ADARB1: variants seen among roughly 807,000 people sequenced by gnomAD.
ADARB1 encodes adenosine deaminase RNA specific B1.
A neutral mutation model predicts 52.4 loss-of-function variants in ADARB1; 10 were observed. The ratio of observed to expected loss-of-function variants is 0.19; its 90% CI spans 0.12 to 0.32. ADARB1 has a LOEUF of 0.32. Among genes scored for constraint, ADARB1 ranks in the 10% least tolerant of loss-of-function variants. The probability of loss-of-function intolerance (pLI) is 1.00; values close to 1 mark genes in which losing one functional copy is unlikely to be tolerated. For missense variants in ADARB1, 643 were observed against 922.3 expected (o/e 0.70, Z 3.92); for synonymous variants, 349 against 371.1 (o/e 0.94, Z 0.68).
intron 4 of ADARB1, among the ~76,000 whole-genome samples, chr21:45,178,360 C>T (rs1055664505): frequency 3.3e-5 from 5 of 152,244 alleles, no homozygotes; most frequent in Non-Finnish European, 5.9e-5. Context: ...CCCCTGACGC[C>T]ACGTTCCTCT....
rs568304763 is a variant in ADARB1 at position 45,107,047 on chromosome 21, A to G, written c.-219-21355A>G. On this transcript the variant is annotated intron_variant, in intron 1 of 10. Transcript: ENST00000348831. ...GAGCAGTCCTGTCCAGTAGAAATAC[A>G]AAATTAATATGCAAACGTCAATGTT... is the stretch of plus-strand genomic sequence containing the variant. 1.6e-3 allele frequency among the ~76,000 whole-genome samples: 250 copies of G among 152,376 alleles called. 2 individuals carry two copies. The highest frequency in any genetic ancestry group is 5.5e-3 in the African/African-American group (228 of 41,590).
At chr21:45,178,271 C>T (rs955715326) in intron 4 of ADARB1, among the ~76,000 whole-genome samples, 1 of 152,234 alleles carries the variant, frequency 6.6e-6, no homozygotes, top group Non-Finnish European at 1.5e-5. Context: ...TGACCAGAGC[C>T]CCTGGCTTGG....
chr21:45,210,052 T>G (rs1309732025), intron 9 of ADARB1, among the ~76,000 whole-genome samples: 1 of 152,212 alleles, frequency 6.6e-6, no homozygotes, highest in African/African-American at 2.4e-5. Context: ...CCCACTTCCC[T>G]GCACCACGGC....
At chr21:45,104,860 T>C (rs1029398506) in intron 1 of ADARB1, among the ~76,000 whole-genome samples, 1 of 152,218 alleles carries the variant, frequency 6.6e-6, no homozygotes, top group Non-Finnish European at 1.5e-5. Flanking sequence ...ACAAGGGGTC[T>C]AGATGTTTAT....
chr21:45,214,028 G>C (rs1046921194), intron 9 of ADARB1, among the ~76,000 whole-genome samples: 2 of 152,178 alleles, frequency 1.3e-5, no homozygotes, highest in African/African-American at 4.8e-5. Context: ...GGGAGTTGTA[G>C]TTCTGTCACT....
intron 1 of ADARB1, among the ~76,000 whole-genome samples, chr21:45,122,376 G>C (rs1277792407): frequency 6.6e-6 from 1 of 152,246 alleles, no homozygotes; most frequent in East Asian, 1.9e-4. Context: ...TGTACTTGCT[G>C]TTGGTACAAG....
intron 1 of ADARB1, among the ~76,000 whole-genome samples, chr21:45,125,035 G>A (rs941155491): frequency 7.3e-5 from 11 of 151,500 alleles, no homozygotes; most frequent in African/African-American, 2.7e-4. Context: ...GGGCTCAAGT[G>A]ATCCACCTGC....
rs1416129451 is a variant in ADARB1 at position 45,176,391 on chromosome 21, C to T, written c.690C>T (p.Pro230=). The T allele has an allele frequency of 6.2e-7, 1 of 1,614,096 alleles. No individual in the cohort carries two copies. Residue 230 remains proline (P), a synonymous_variant, in exon 4 of 11, where the codon CCC becomes CCT. Coordinates refer to ENST00000348831, the MANE Select transcript of ADARB1 (RefSeq NM_001112.4). This position sits in a 1 kb window ranked among gnomAD's most constrained non-coding sequence, Gnocchi z 5.8. ...TCCCTGTCTTACCACCATTCCCACCCCCGAGTGGGAAGAATCCCGTGATGA... is the reference window on the plus strand; with the variant it reads ...TCCCTGTCTTACCACCATTCCCACCTCCGAGTGGGAAGAATCCCGTGATGA... ...PPLPVLPPFP[P]PSGKNPVMIL...
At chr21:45,174,989 A>G (rs1282315624) in intron 3 of ADARB1, among the ~76,000 whole-genome samples, 1 of 152,188 alleles carries the variant, frequency 6.6e-6, no homozygotes, top group Non-Finnish European at 1.5e-5. Flanking sequence ...CTATCATGGA[A>G]CGATATTAAG....
chr21:45,136,030 G>A (rs890630995), intron 2 of ADARB1, among the ~76,000 whole-genome samples: 1 of 152,180 alleles, frequency 6.6e-6, no homozygotes, highest in Non-Finnish European at 1.5e-5. Flanking sequence ...AGTCATATGC[G>A]CCTGTGTTCA....
At chr21:45,160,978 A>G (rs2090932189) in intron 2 of ADARB1, among the ~76,000 whole-genome samples, 1 of 152,254 alleles carries the variant, frequency 6.6e-6, no homozygotes, top group South Asian at 2.1e-4. Context: ...CAGGGTTTTA[A>G]AGATCTGCTT....
chr21:45,203,874 C>G (rs2092613175), intron 8 of ADARB1, among the ~76,000 whole-genome samples: 1 of 152,246 alleles, frequency 6.6e-6, no homozygotes, highest in Non-Finnish European at 1.5e-5. Context: ...GTAGATAGTA[C>G]TGAACCCTGT....
intron 1 of ADARB1, among the ~76,000 whole-genome samples, chr21:45,124,283 T>G (rs141965746): frequency 0.01 from 1,567 of 152,370 alleles, 10 homozygotes; most frequent in South Asian, 0.021. Context: ...AGAAGCCATC[T>G]AGTCATGGAG....
intron 1 of ADARB1, among the ~76,000 whole-genome samples, chr21:45,076,287 C>T (rs1384700514): frequency 6.6e-6 from 1 of 152,180 alleles, no homozygotes; most frequent in Non-Finnish European, 1.5e-5. Context: ...AGGACAGGGT[C>T]CAGTATGCAT....
chr21:45,141,783 G>A (rs921955768), intron 2 of ADARB1, among the ~76,000 whole-genome samples: 1 of 148,714 alleles, frequency 6.7e-6, no homozygotes, highest in Non-Finnish European at 1.5e-5. Context: ...TCCCTGGGTC[G>A]CCTTAGCCAC....
At chr21:45,187,101 T>C (rs2092134265) in intron 8 of ADARB1, among the ~76,000 whole-genome samples, 1 of 152,216 alleles carries the variant, frequency 6.6e-6, no homozygotes, top group Non-Finnish European at 1.5e-5. Flanking sequence ...ACTCTATAGA[T>C]TGCTTTGGTT....
In ADARB1 at chr21:45,223,186, T is replaced by C. The variant is rs1335713933; in HGVS notation, c.*989T>C. The C allele has an allele frequency of 1.0e-6, 1 of 985,360 alleles. No homozygotes were observed. The highest frequency in any genetic ancestry group is 1.7e-5 in the African/African-American group (1 of 57,228). 61.0% of individuals were successfully genotyped at this position (985,360 alleles called of 1,614,324 possible). On this transcript the variant is annotated 3_prime_UTR_variant, in exon 11 of 11. Transcript: ENST00000348831. ...AGGCCTTCACAGGATGGAAGTAGAA[T>C]GATTTCAGTAGATACTCATTCTTGG... is the stretch of plus-strand genomic sequence containing the variant.
intron 1 of ADARB1, among the ~76,000 whole-genome samples, chr21:45,121,669 A>C (rs1050087681): frequency 6.6e-6 from 1 of 151,996 alleles, no homozygotes; most frequent in African/African-American, 2.4e-5. Context: ...TTTTCTCTTT[A>C]ACTGTGTCTA....
Position 45,204,438 on chromosome 21 carries a change from AGTTG to A in ADARB1, c.1566-111_1566-108del. ...TAACTTTTTGTTGCACTCCTTCGTC[AGTTG>A]GTTGGGATCCTGCGGAATTGCCAGT... On this transcript the variant is annotated intron_variant, in intron 8 of 10. Transcript: ENST00000348831. This position sits in a 1 kb window ranked among gnomAD's most constrained non-coding sequence, Gnocchi z 4.4. 1.0e-6 allele frequency: 1 copy of A among 966,862 alleles called. No homozygotes were observed. Among genetic ancestry groups the A allele is most frequent in the Non-Finnish European group, 1.6e-6 (1 of 642,348 alleles). The allele number at this position is 966,862 out of a possible 1,614,324, so 59.9% of individuals were successfully genotyped here.
Sources: allele counts gnomAD v4.1 joint callset (sites outside exome capture counted in the v4.1 genomes callset), GRCh38; gene constraint gnomAD v4.1.1; non-coding constraint Gnocchi (gnomAD v3.1); transcripts MANE v1.5; gene names NCBI Gene and HGNC (gene_info 2026-07-23, HGNC 2026-07-21).